The following ATP8A1 variants were observed in gnomAD, a reference collection of about 807,000 sequenced individuals.
ATP8A1 encodes the protein phospholipid-transporting ATPase IA.
A neutral mutation model predicts 177.7 loss-of-function variants in ATP8A1; 90 were observed. The ratio of observed to expected loss-of-function variants is 0.51; its 90% CI spans 0.43 to 0.60. The LOEUF is 0.60. ATP8A1 is among the 20% of genes least tolerant of loss of function. The pLI is 0.00. For synonymous variants in ATP8A1, 493 were observed against 485.9 expected, an observed-to-expected ratio of 1.01 and a Z score of -0.19; for missense variants, 1,072 against 1,392.8, an observed-to-expected ratio of 0.77 and a Z score of 3.67.
At chr4:42,652,240 G>C (rs544372756) in intron 1 of ATP8A1, among the ~76,000 whole-genome samples, 5 of 152,092 alleles carry the variant, frequency 3.3e-5, no homozygotes, top group African/African-American at 1.2e-4. Context: ...TCAAGCTCAA[G>C]ACTGTAATGG....
chr4:42,442,576 G>T (rs1352729913), intron 33 of ATP8A1, among the ~76,000 whole-genome samples: 1 of 152,168 alleles, frequency 6.6e-6, no homozygotes, highest in East Asian at 1.9e-4. Context: ...GTCTGGTTTT[G>T]CTGTAATAGT....
At chr4:42,416,461 C>T (rs1713253296) in intron 35 of ATP8A1, among the ~76,000 whole-genome samples, 1 of 152,100 alleles carries the variant, frequency 6.6e-6, no homozygotes, top group Non-Finnish European at 1.5e-5. Flanking sequence ...TTTCATATTA[C>T]AGCAACTGAA....
intron 24 of ATP8A1, among the ~76,000 whole-genome samples, chr4:42,494,349 C>A (rs1199712202): frequency 2.6e-5 from 4 of 151,782 alleles, no homozygotes; most frequent in Admixed American, 2.6e-4. Context: ...ATGACAGGTG[C>A]CTGTAATCCC....
intron 16 of ATP8A1, among the ~76,000 whole-genome samples, chr4:42,553,244 A>G (rs947887304): frequency 6.6e-6 from 1 of 152,232 alleles, no homozygotes; most frequent in Non-Finnish European, 1.5e-5. Flanking sequence ...GACAGGATAA[A>G]AATTCGAAGA....
At chr4:42,656,756 AACACACACGCTC>A in intron 1 of ATP8A1, 57 bp downstream of exon 1, 2 of 1,429,514 alleles carry the variant, frequency 1.4e-6, no homozygotes, top group Non-Finnish European at 9.3e-7. Context: ...TTCCAGGATA[AACACACACGCTC>A]ACACACACAC....
At chr4:42,499,645 AG>A (rs756325040) in intron 24 of ATP8A1, among the ~76,000 whole-genome samples, 7 of 152,254 alleles carry the variant, frequency 4.6e-5, no homozygotes, top group African/African-American at 9.6e-5. Flanking sequence ...CTCCCACAAG[AG>A]GAAACTTAGA....
At chr4:42,593,509 T>A (rs1312911235) in intron 6 of ATP8A1, among the ~76,000 whole-genome samples, 1 of 151,992 alleles carries the variant, frequency 6.6e-6, no homozygotes, top group Non-Finnish European at 1.5e-5. Context: ...ATGAATCAAA[T>A]CACTTTAAAT....
chr4:42,562,773 T>C (rs1730971778), intron 15 of ATP8A1, among the ~76,000 whole-genome samples: 1 of 152,170 alleles, frequency 6.6e-6, no homozygotes, highest in Admixed American at 6.5e-5. Context: ...CAAGATCTGA[T>C]GGTTATTACA....
intron 33 of ATP8A1, among the ~76,000 whole-genome samples, chr4:42,429,742 T>G (rs937896435): frequency 6.6e-6 from 1 of 152,172 alleles, no homozygotes; most frequent in East Asian, 1.9e-4. Flanking sequence ...CATCAACAGA[T>G]GAGTGGACAA....
At chr4:42,478,803 G>A (rs1384628321) in intron 25 of ATP8A1, among the ~76,000 whole-genome samples, 2 of 152,124 alleles carry the variant, frequency 1.3e-5, no homozygotes, top group African/African-American at 2.4e-5. Flanking sequence ...ACACCTCATT[G>A]TAAAACAAAT....
At chr4:42,413,957 T>G (rs1712924979) in intron 36 of ATP8A1, among the ~76,000 whole-genome samples, 1 of 152,166 alleles carries the variant, frequency 6.6e-6, no homozygotes, top group Admixed American at 6.5e-5. Context: ...ACAAATAAAC[T>G]CACTCACGCC....
At chr4:42,600,390 T>A in intron 6 of ATP8A1, 88 bp downstream of exon 6, 1 of 1,022,056 alleles carries the variant, frequency 9.8e-7, no homozygotes, top group South Asian at 2.6e-5. Flanking sequence ...ATTCTTCACA[T>A]TTGCTCATAT....
rs1226536023 is a variant in ATP8A1 at position 42,579,929 on chromosome 4, T to C, written c.884A>G (p.Asn295Ser). The change falls in exon 11 of 37, where the codon AAT (asparagine) becomes AGT (serine). Residue 295 changes from asparagine (N) to serine (S), a missense_variant. Coordinates refer to ENST00000381668, the MANE Select transcript of ATP8A1 (RefSeq NM_006095.2). ...LKLSNVERIT[N>S]VQILILFCIL... is the part of the protein sequence containing the mutation. ...ACAAAATAAAATCAAAATTTGTACA[T>C]TTGTAATCCGTTCCACATTTGAGAG... 6.2e-7 allele frequency: 1 copy of C among 1,612,792 alleles called. No homozygotes were observed. Among genetic ancestry groups the C allele is most frequent in the Non-Finnish European group, 8.5e-7 (1 of 1,179,208 alleles).
intron 21 of ATP8A1, among the ~76,000 whole-genome samples, chr4:42,523,791 A>C (rs1726389678): frequency 6.6e-6 from 1 of 152,228 alleles, no homozygotes; most frequent in East Asian, 1.9e-4. Context: ...GCTTTATGGA[A>C]TCTGAATCCT....
intron 22 of ATP8A1, among the ~76,000 whole-genome samples, chr4:42,510,192 G>A (rs1724869478): frequency 6.6e-6 from 1 of 152,130 alleles, no homozygotes; most frequent in South Asian, 2.1e-4. Context: ...CACACTTGAT[G>A]CATGACTTCT....
At chr4:42,624,895 T>A (rs540647109) in intron 3 of ATP8A1, among the ~76,000 whole-genome samples, 50 of 152,298 alleles carry the variant, frequency 3.3e-4, no homozygotes, top group African/African-American at 1.1e-3. Context: ...ATCTATTCAT[T>A]AAAATATAAC....
At chr4:42,461,261 T>TC (rs1402083111) in intron 27 of ATP8A1, among the ~76,000 whole-genome samples, 4 of 150,886 alleles carry the variant, frequency 2.7e-5, no homozygotes, top group African/African-American at 9.8e-5. Context: ...TTTTTTTTTT[T>TC]TGCTTTTTGC....
At chr4:42,494,160 C>CCCA (rs1723010325) in intron 24 of ATP8A1, among the ~76,000 whole-genome samples, 1 of 11,482 alleles carries the variant, frequency 8.7e-5, no homozygotes, top group Admixed American at 1.6e-3. Context: ...AAGATCATGC[C>CCCA]ACAAAAAAAA....
At chr4:42,617,229 C>CAA (rs1341781296) in intron 4 of ATP8A1, among the ~76,000 whole-genome samples, 1 of 152,218 alleles carries the variant, frequency 6.6e-6, no homozygotes, top group African/African-American at 2.4e-5. Flanking sequence ...AGCATACACT[C>CAA]AGTCTGTGGA....
Sources: gnomAD v4.1 joint callset for allele counts (sites outside exome capture counted in the v4.1 genomes callset) on GRCh38, gnomAD v4.1.1 for gene constraint, MANE v1.5 for transcripts, NCBI Gene and HGNC (gene_info 2026-07-23, HGNC 2026-07-21) for gene names.